The following YEATS2 variants were observed in gnomAD, a reference collection of about 807,000 sequenced individuals.
YEATS2 encodes YEATS domain-containing protein 2.
YEATS2 carries 77 observed loss-of-function variants against 163.2 expected under a neutral mutation model. The ratio of observed to expected loss-of-function variants is 0.47; its 90% confidence interval spans 0.39 to 0.57. YEATS2 has a LOEUF of 0.57. Ranked by LOEUF, YEATS2 falls within the 20% of genes least tolerant of loss-of-function variation. The pLI, the probability that YEATS2 is intolerant of heterozygous loss-of-function variation, is 0.00. For missense variants in YEATS2, 1,549 were observed against 1,729.8 expected, an observed-to-expected ratio of 0.90 and a Z score of 1.85; for synonymous variants, 631 against 645.1, an observed-to-expected ratio of 0.98 and a Z score of 0.33.
At chr3:183,778,853 G>T (rs186576539) in intron 19 of YEATS2, among the ~76,000 whole-genome samples, 1 of 152,044 alleles carries the variant, frequency 6.6e-6, no homozygotes, top group Non-Finnish European at 1.5e-5. Context: ...ATATTAGCCT[G>T]GAGTTTTCCT....
chr3:183,758,317 A>T (rs889253216), intron 12 of YEATS2, among the ~76,000 whole-genome samples: 2 of 152,088 alleles, frequency 1.3e-5, no homozygotes, highest in African/African-American at 4.8e-5. Flanking sequence ...AGATCAGGCA[A>T]CTGCACTCCA....
At position 183,722,137 on chromosome 3, in the gene YEATS2, GTA is replaced by G; in HGVS notation, c.537+6_537+7del. Reference sequence around the variant, plus strand: ...GAGACCAAGCCGAAATACTGGAAGGGTATATAGATGGGTGGATGTGGGAGGGA... The same window carrying G: ...GAGACCAAGCCGAAATACTGGAAGGGTATAGATGGGTGGATGTGGGAGGGA... On this transcript the variant is annotated splice_donor_variant and splice_donor_region_variant and intron_variant, in intron 5 of 30. Coordinates refer to ENST00000305135, the MANE Select transcript of YEATS2 (RefSeq NM_018023.5). LOFTEE classifies it high-confidence loss of function. 6.2e-7 allele frequency: 1 copy of G among 1,612,574 alleles called. No individual in the cohort carries two copies. The highest frequency in any genetic ancestry group is 2.2e-5 in the East Asian group (1 of 44,802).
In YEATS2 at chr3:183,697,849, G is replaced by A. The variant is rs1254287413; in HGVS notation, c.-164G>A. 2.7e-5 allele frequency: 4 copies of A among 150,918 alleles called. No individual in the cohort carries two copies. The highest frequency in any genetic ancestry group is 9.7e-5 in the African/African-American group (4 of 41,246). 9.3% of individuals were successfully genotyped at this position (150,918 alleles called of 1,614,324 possible). On this transcript the variant is annotated 5_prime_UTR_variant, in exon 1 of 31. Coordinates refer to ENST00000305135, the MANE Select transcript of YEATS2 (RefSeq NM_018023.5). Reference sequence around the variant, plus strand: ...CGGAACGCGCCGGGCGGGCTCCACCGCGCCGTGTGCTTCCGCAGGTTGCGG... The same window carrying A: ...CGGAACGCGCCGGGCGGGCTCCACCACGCCGTGTGCTTCCGCAGGTTGCGG...
intron 21 of YEATS2, among the ~76,000 whole-genome samples, chr3:183,795,827 T>C (rs1225305989): frequency 1.3e-5 from 2 of 152,120 alleles, no homozygotes; most frequent in Non-Finnish European, 2.9e-5. Flanking sequence ...TCTCTGGAAG[T>C]ATTACTACCT....
At chr3:183,705,117 C>G (rs981918883) in intron 1 of YEATS2, among the ~76,000 whole-genome samples, 2 of 151,984 alleles carry the variant, frequency 1.3e-5, no homozygotes, top group African/African-American at 4.8e-5. Flanking sequence ...GGCGCGATCT[C>G]AGCTTAACTG....
intron 1 of YEATS2, among the ~76,000 whole-genome samples, chr3:183,709,674 A>C (rs1456929131): frequency 2.1e-5 from 3 of 143,360 alleles, no homozygotes; most frequent in African/African-American, 8.0e-5. Context: ...TAATGAGATA[A>C]ATTTTTTTTT....
At chr3:183,734,320 G>A (rs1718115662) in intron 7 of YEATS2, among the ~76,000 whole-genome samples, 1 of 152,168 alleles carries the variant, frequency 6.6e-6, no homozygotes. Context: ...TATTGCTTGA[G>A]TTTGAATTCT....
intron 12 of YEATS2, 106 bp downstream of exon 12, chr3:183,756,795 G>A (rs921315933): frequency 8.8e-6 from 9 of 1,026,274 alleles, no homozygotes; most frequent in South Asian, 4.2e-5. Flanking sequence ...GAAATCTCCC[G>A]TAAACGAGAA....
At chr3:183,793,492 A>ACCCTTC (rs11281085) in intron 21 of YEATS2, 626,157 of 962,718 alleles carry the variant, frequency 0.65, 207,403 homozygotes, top group East Asian at 0.96. Context: ...AATAATGAAT[A>ACCCTTC]CCTTGTCTGT....
chr3:183,786,545 C>A (rs975153001), intron 20 of YEATS2, among the ~76,000 whole-genome samples: 5 of 152,256 alleles, frequency 3.3e-5, no homozygotes, highest in Admixed American at 1.3e-4. Flanking sequence ...ATTTTATCAT[C>A]CCAGAAAGAA....
chr3:183,778,228 G>C (rs1230691498), intron 19 of YEATS2, among the ~76,000 whole-genome samples: 2 of 151,862 alleles, frequency 1.3e-5, no homozygotes, highest in East Asian at 3.8e-4. Flanking sequence ...TAAGGACCCA[G>C]GTGTTATTCT....
At chr3:183,808,383 C>A (rs1410966025) in intron 29 of YEATS2, among the ~76,000 whole-genome samples, 4 of 152,058 alleles carry the variant, frequency 2.6e-5, no homozygotes, top group Non-Finnish European at 5.9e-5. Context: ...GTGGCAGAGA[C>A]AAAGCCTATG....
At chr3:183,784,695 C>T (rs922625964) in intron 19 of YEATS2, among the ~76,000 whole-genome samples, 10 of 151,636 alleles carry the variant, frequency 6.6e-5, no homozygotes, top group Non-Finnish European at 1.3e-4. Context: ...CAGCCACACT[C>T]GTTTCACGCT....
rs1426016444 is a variant in YEATS2 at position 183,810,701 on chromosome 3, A to G, written c.*118A>G. 1.1e-6 allele frequency: 1 copy of G among 874,468 alleles called. No homozygotes were observed. The highest frequency in any genetic ancestry group is 1.8e-6 in the Non-Finnish European group (1 of 549,258). The allele number at this position is 874,468 out of a possible 1,614,324, so 54.2% of individuals were successfully genotyped here. ...GTGACTCGGCATGTCATGGCTACCC[A>G]ACCTTTGCCGCTGCCTGTTCCCACG... On this transcript the variant is annotated 3_prime_UTR_variant, in exon 31 of 31. Transcript: ENST00000305135.
At chr3:183,801,396 C>T (rs1169601255) in intron 24 of YEATS2, 59 bp from the exon 25 acceptor site, 1 of 1,229,992 alleles carries the variant, frequency 8.1e-7, no homozygotes, top group Non-Finnish European at 1.2e-6. Flanking sequence ...ATATATATGG[C>T]TATAGAAACT....
At chr3:183,797,792 G>T (rs1725299311) in intron 21 of YEATS2, 131 bp from the exon 22 acceptor site, 6 of 1,107,514 alleles carry the variant, frequency 5.4e-6, no homozygotes, top group Non-Finnish European at 7.7e-6. Flanking sequence ...CCTGCTTCTT[G>T]CTCTTTGTTT....
Position 183,806,925 on chromosome 3 carries a change from C to A in YEATS2, c.3844C>A (p.Gln1282Lys). 1 of 1,614,108 alleles carries A rather than the reference C, an allele frequency of 6.2e-7. No homozygotes were observed. The highest frequency in any genetic ancestry group is 8.5e-7 in the Non-Finnish European group (1 of 1,180,020). ...CTGCCGCAAACTGGAGGACCTGCAA[C>A]AGTTCCAGAAAAGGGAACCCGAGAA... ...NLCRKLEDLQ[Q>K]FQKREPENEE... The change falls in exon 28 of 31, where the codon CAG becomes AAG. Residue 1282 changes from glutamine (Q) to lysine (K), a missense_variant. Gln to Lys is a moderately conservative substitution (Grantham distance 53). Coordinates refer to ENST00000305135, the MANE Select transcript of YEATS2 (RefSeq NM_018023.5).
At chr3:183,757,360 G>GA (rs1560278714) in intron 12 of YEATS2, among the ~76,000 whole-genome samples, 1 of 151,852 alleles carries the variant, frequency 6.6e-6, no homozygotes, top group East Asian at 1.9e-4. Flanking sequence ...GCGTGATCTC[G>GA]GCTCACTGCA....
chr3:183,774,592 G>A (rs1317434308), intron 17 of YEATS2, among the ~76,000 whole-genome samples: 1 of 152,186 alleles, frequency 6.6e-6, no homozygotes, highest in East Asian at 1.9e-4. Context: ...AAGCCCCATG[G>A]AAATGAGGCA....
Sources: allele counts gnomAD v4.1 joint callset (sites outside exome capture counted in the v4.1 genomes callset), GRCh38; gene constraint gnomAD v4.1.1; transcripts MANE v1.5; gene names NCBI Gene and HGNC (gene_info 2026-07-23, HGNC 2026-07-21).